Variants in ZNF99 observed in about 807,000 individuals in gnomAD.
The protein encoded by ZNF99 is zinc finger protein 99.
ZNF99 carries 8 observed loss-of-function variants against 12.8 expected under a neutral mutation model. The ratio of observed to expected loss-of-function variants is 0.62; its 90% confidence interval spans 0.37 to 1.13. The LOEUF (loss-of-function observed/expected upper bound fraction) is 1.13, where lower values mean the gene tolerates loss of function less well. Among genes scored for constraint, ZNF99 ranks in the 50% most tolerant of loss-of-function variants. ZNF99 has a pLI of 0.02. For synonymous variants in ZNF99, 318 were observed against 319.0 expected, an observed-to-expected ratio of 1.00 and a Z score of 0.03; for missense variants, 1,007 against 1,006.2, an observed-to-expected ratio of 1.00 and a Z score of -0.01.
At chr19:22,766,795 G>A (rs1973209198) in intron 3 of ZNF99, among the ~76,000 whole-genome samples, 1 of 151,650 alleles carries the variant, frequency 6.6e-6, no homozygotes, top group African/African-American at 2.4e-5. Flanking sequence ...GGGATTACAG[G>A]CATGCGCCAC....
At position 22,784,124 on chromosome 19, in the gene ZNF99, A is replaced by T. The variant is rs1396134192; in HGVS notation, c.-108T>A. On this transcript the variant is annotated 5_prime_UTR_variant, in exon 1 of 4. Coordinates refer to ENST00000596209, the MANE Select transcript of ZNF99 (RefSeq NM_001080409.3). ...ACAGAGCAGTAAAAACGAGATCCGG[A>T]GCTCCAGCTGGAACCAGAAACAACG... 2.0e-5 allele frequency: 26 copies of T among 1,308,766 alleles called. No homozygotes were observed. Among genetic ancestry groups the T allele is most frequent in the Non-Finnish European group, 2.6e-5 (24 of 935,572 alleles). The allele number at this position is 1,308,766 out of a possible 1,614,324, so 81.1% of individuals were successfully genotyped here.
At chr19:22,766,903 G>C (rs1973210531) in intron 3 of ZNF99, among the ~76,000 whole-genome samples, 1 of 151,632 alleles carries the variant, frequency 6.6e-6, no homozygotes, top group Non-Finnish European at 1.5e-5. Flanking sequence ...CGCCCACCTC[G>C]GCCTCCCAAA....
chr19:22,771,748 T>C (rs112799240), intron 1 of ZNF99, among the ~76,000 whole-genome samples: 2 of 135,818 alleles, frequency 1.5e-5, no homozygotes, highest in Non-Finnish European at 1.6e-5. Flanking sequence ...GACGGAGTCT[T>C]GCTCTGTCAC....
Position 22,755,336 on chromosome 19 carries a change from A to T in ZNF99, c.*1978T>A, listed in dbSNP as rs185498027. The T allele has an allele frequency of 3.9e-6, 1 of 258,692 alleles. No homozygotes were observed. The highest frequency in any genetic ancestry group is 8.0e-6 in the Non-Finnish European group (1 of 124,784). 16.0% of individuals were successfully genotyped at this position (258,692 alleles called of 1,614,324 possible). A position where few individuals can be genotyped will look rare whatever the true frequency, so the allele number is the denominator to read the frequency against. On this transcript the variant is annotated 3_prime_UTR_variant, in exon 4 of 4. Transcript: ENST00000596209. ...ATTTTCTGTTGAGTAAGGTCTGAAA[A>T]CCAGTTAAAAGCTTTGCCACAGTTT...
intron 3 of ZNF99, among the ~76,000 whole-genome samples, chr19:22,768,099 AC>A (rs1973224786): frequency 6.6e-6 from 1 of 152,222 alleles, no homozygotes. Flanking sequence ...AAGGGAAATT[AC>A]CAAAACGAAA....
chr19:22,756,294 T>G lies in ZNF99; in HGVS notation c.*1020A>C, dbSNP rs55681804. 146,116 of 1,564,364 alleles carry G rather than the reference T, an allele frequency of 0.093. 11,489 individuals are homozygous for G. Among genetic ancestry groups the G allele is most frequent in the Middle Eastern group, 0.15 (871 of 5,806 alleles). On this transcript the variant is annotated 3_prime_UTR_variant, in exon 4 of 4. Coordinates refer to ENST00000596209, the MANE Select transcript of ZNF99 (RefSeq NM_001080409.3). Reference sequence around the variant, plus strand: ...TTGCCACATTCTTCACATTTGTAGGTTTTCCCTCCAGTATGAATTGTTTTA... The same window carrying G: ...TTGCCACATTCTTCACATTTGTAGGGTTTCCCTCCAGTATGAATTGTTTTA...
Position 22,753,887 on chromosome 19 carries a change from T to G in ZNF99, c.*3427A>C, listed in dbSNP as rs746224175. 3.1e-6 allele frequency: 1 copy of G among 324,202 alleles called. No homozygotes were observed. Among genetic ancestry groups the G allele is most frequent in the Non-Finnish European group, 6.2e-6 (1 of 161,890 alleles). 20.1% of individuals were successfully genotyped at this position (324,202 alleles called of 1,614,324 possible). The stretch of plus-strand genomic sequence containing the variant: ...ATAGTTTTCTCTAGGATAAATTAGC[T>G]TATACTCAAGTGTGACAACCATTTA... On this transcript the variant is annotated 3_prime_UTR_variant, in exon 4 of 4. Transcript: ENST00000596209.
At position 22,758,770 on chromosome 19, in the gene ZNF99, T is replaced by C. The variant is rs551371977; in HGVS notation, c.1139A>G (p.Asn380Ser). ...CTCATGTTTTCTAAGGGCTGACAAA[T>C]TGCTAAAAGCTTTGCCGCATTCTTC... ...KYEECGKAFS[N>S]LSALRKHEII... The change falls in exon 4 of 4, where the codon AAT becomes AGT. Residue 380 changes from asparagine to serine, a missense_variant. By Grantham distance (46) the Asn-to-Ser change is conservative (BLOSUM62 1). Transcript: ENST00000596209. The C allele has an allele frequency of 1.7e-5, 27 of 1,606,966 alleles. No homozygotes were observed. The highest frequency in any genetic ancestry group is 1.5e-4 in the African/African-American group (11 of 74,714).
chr19:22,771,640 T>TC (rs1269379328), intron 1 of ZNF99, among the ~76,000 whole-genome samples: 1 of 150,074 alleles, frequency 6.7e-6, no homozygotes, highest in Non-Finnish European at 1.5e-5. Context: ...ACTTTTTCCG[T>TC]AAGGACCCCA....
Position 22,756,451 on chromosome 19 carries a change from T to C in ZNF99, c.*863A>G. ...AAATGCTTTACCACACTCTTCACAT[T>C]TGTAGGGTTTCTTTCCAGTATGAAT... On this transcript the variant is annotated 3_prime_UTR_variant, in exon 4 of 4. Transcript: ENST00000596209. 6.3e-7 allele frequency: 1 copy of C among 1,586,274 alleles called. No homozygotes were observed. The highest frequency in any genetic ancestry group is 8.6e-7 in the Non-Finnish European group (1 of 1,167,982).
rs1568380466 is a variant in ZNF99 at position 22,753,962 on chromosome 19, C to A, written c.*3352G>T. On this transcript the variant is annotated 3_prime_UTR_variant, in exon 4 of 4. Coordinates refer to ENST00000596209, the MANE Select transcript of ZNF99 (RefSeq NM_001080409.3). ...CTAGGGCTTCTTGACACTATGATTT[C>A]TTTTATGTTTAGAAAAGTTTAAGGT... The A allele has an allele frequency of 2.2e-6, 1 of 451,362 alleles. No homozygotes were observed. The highest frequency in any genetic ancestry group is 2.4e-5 in the Admixed American group (1 of 42,150). The allele number at this position is 451,362 out of a possible 1,614,324, so 28.0% of individuals were successfully genotyped here. A position where few individuals can be genotyped will look rare whatever the true frequency, so the allele number is the denominator to read the frequency against.
At chr19:22,775,436 A>G (rs766217040) in intron 1 of ZNF99, among the ~76,000 whole-genome samples, 7 of 152,226 alleles carry the variant, frequency 4.6e-5, no homozygotes, top group Admixed American at 1.3e-4. Flanking sequence ...TAAATGTAAA[A>G]CTTGAAATTA....
Position 22,784,148 on chromosome 19 carries a change from C to T in ZNF99, c.-132G>A, listed in dbSNP as rs1973422987. On this transcript the variant is annotated 5_prime_UTR_variant, in exon 1 of 4. Transcript: ENST00000596209. Reference sequence around the variant, plus strand: ...GAGCTCCAGCTGGAACCAGAAACAACGGCCCCGCCACATCCCACAAGCCGC... The same window carrying T: ...GAGCTCCAGCTGGAACCAGAAACAATGGCCCCGCCACATCCCACAAGCCGC... 3.1e-6 allele frequency: 3 copies of T among 981,116 alleles called. No homozygotes were observed. The highest frequency in any genetic ancestry group is 4.5e-6 in the Non-Finnish European group (3 of 664,378). 60.8% of individuals were successfully genotyped at this position (981,116 alleles called of 1,614,324 possible).
chr19:22,776,212 G>A (rs1223238338), intron 1 of ZNF99, among the ~76,000 whole-genome samples: 1 of 151,234 alleles, frequency 6.6e-6, no homozygotes, highest in Non-Finnish European at 1.5e-5. Flanking sequence ...TTAGCTGGGT[G>A]TGGTGGCAGG....
Position 22,757,525 on chromosome 19 carries a change from C to G in ZNF99, c.2384G>C (p.Gly795Ala). The stretch of plus-strand genomic sequence containing the variant: ...GGTTGAGGAATTGTTAAAAGCTTTG[C>G]CACATTCTTCACATTTATAGGGTTT... ...GKKPYKCEEC[G>A]KAFNNSSTLR... The change falls in exon 4 of 4, where the codon GGC (glycine) becomes GCC (alanine). Residue 795 changes from glycine (G) to alanine (A), a missense_variant. Gly to Ala is a moderately conservative substitution (Grantham distance 60, BLOSUM62 0). Transcript: ENST00000596209. 6.2e-7 allele frequency: 1 copy of G among 1,610,620 alleles called. No homozygotes were observed. The highest frequency in any genetic ancestry group is 8.5e-7 in the Non-Finnish European group (1 of 1,179,520).
rs970147679 is a variant in ZNF99 at position 22,758,731 on chromosome 19, C to T, written c.1178G>A (p.Gly393Glu). Residue 393 changes from glycine to glutamate, a missense_variant, in exon 4 of 4, where the codon GGA becomes GAA. Coordinates refer to ENST00000596209, the MANE Select transcript of ZNF99 (RefSeq NM_001080409.3). ...ALRKHEIIHT[G>E]QKPYKCEECG... ...TTCTTCACATTTGTAGGGTTTCTGT[C>T]CAGTATGAATTATCTCATGTTTTCT... The T allele has an allele frequency of 3.7e-6, 6 of 1,613,380 alleles. No individual in the cohort carries two copies. The African/African-American group carries it at 6.7e-5, about 18-fold the overall frequency.
chr19:22,766,155 G>T (rs1973200973), intron 3 of ZNF99, among the ~76,000 whole-genome samples: 1 of 150,868 alleles, frequency 6.6e-6, no homozygotes, highest in Admixed American at 6.6e-5. Context: ...TTTACATAAT[G>T]TCCATTTTTC....
chr19:22,784,097 A>T lies in ZNF99; in HGVS notation c.-81T>A. On this transcript the variant is annotated 5_prime_UTR_variant, in exon 1 of 4. Coordinates refer to ENST00000596209, the MANE Select transcript of ZNF99 (RefSeq NM_001080409.3). ...GGTCACAGGGCCACAGAGGCTAAGG[A>T]CACAGAGCAGTAAAAACGAGATCCG... 3 of 1,539,176 alleles carry T rather than the reference A, an allele frequency of 1.9e-6. No individual in the cohort carries two copies. The highest frequency in any genetic ancestry group is 2.7e-6 in the Non-Finnish European group (3 of 1,120,512).
chr19:22,767,441 G>C (rs1198825623), intron 3 of ZNF99, among the ~76,000 whole-genome samples: 1 of 152,148 alleles, frequency 6.6e-6, no homozygotes. Context: ...CATGCAAATA[G>C]TAGCCACAAT....
Sources: gnomAD v4.1 joint callset for allele counts (sites outside exome capture counted in the v4.1 genomes callset) on GRCh38, gnomAD v4.1.1 for gene constraint, MANE v1.5 for transcripts, NCBI Gene and HGNC (gene_info 2026-07-23, HGNC 2026-07-21) for gene names.